Variants in CDK14 observed in about 807,000 individuals in gnomAD.
CDK14 encodes cyclin dependent kinase 14.
Under a neutral mutation model 60.7 loss-of-function variants are expected in CDK14, and 34 were observed. The ratio of observed to expected loss-of-function variants is 0.56; its 90% CI spans 0.43 to 0.75. The LOEUF (loss-of-function observed/expected upper bound fraction) is 0.75, where lower values mean the gene tolerates loss of function less well. CDK14 is among the 30% of genes least tolerant of loss of function. The pLI is 0.00. For missense variants in CDK14, 482 were observed against 564.1 expected (o/e 0.85, Z 1.47); for synonymous variants, 197 against 203.7 (o/e 0.97, Z 0.28).
chr7:90,688,984 C>G (rs1801500158), intron 2 of CDK14, among the ~76,000 whole-genome samples: 1 of 152,080 alleles, frequency 6.6e-6, no homozygotes, highest in Non-Finnish European at 1.5e-5. Context: ...GGTTAGTAAA[C>G]CAGAAAGAAC....
At chr7:90,889,653 G>A (rs1250684633) in intron 6 of CDK14, among the ~76,000 whole-genome samples, 1 of 152,178 alleles carries the variant, frequency 6.6e-6, no homozygotes, top group Non-Finnish European at 1.5e-5. Context: ...TACTGTGTAC[G>A]ATAACTACTT....
At chr7:90,654,723 A>G (rs968644122) in intron 2 of CDK14, among the ~76,000 whole-genome samples, 2 of 152,198 alleles carry the variant, frequency 1.3e-5, no homozygotes, top group South Asian at 4.1e-4. Flanking sequence ...CAGAAAGTAC[A>G]GAGTTCCCAT....
chr7:91,145,142 A>G (rs932665597), intron 14 of CDK14, among the ~76,000 whole-genome samples: 10 of 152,234 alleles, frequency 6.6e-5, no homozygotes, highest in African/African-American at 2.4e-4. Flanking sequence ...CACTAACTGG[A>G]TACGACAGAG....
At chr7:90,597,797 C>T (rs1380249836) in intron 1 of CDK14, among the ~76,000 whole-genome samples, 1 of 149,776 alleles carries the variant, frequency 6.7e-6, no homozygotes, top group East Asian at 2.0e-4. Flanking sequence ...AAACTTTCTT[C>T]AAGTGAGAGA....
intron 14 of CDK14, among the ~76,000 whole-genome samples, chr7:91,193,196 G>C (rs1022640067): frequency 2.0e-5 from 3 of 152,130 alleles, no homozygotes; most frequent in Non-Finnish European, 2.9e-5. Flanking sequence ...GCTGCTTTAT[G>C]CTTCAGCATT....
intron 3 of CDK14, among the ~76,000 whole-genome samples, chr7:90,737,950 C>G (rs916740175): frequency 1.3e-5 from 2 of 152,138 alleles, no homozygotes; most frequent in Non-Finnish European, 2.9e-5. Flanking sequence ...TATGGACATT[C>G]TTACTGGATA....
chr7:91,016,272 T>A (rs1293984086), intron 10 of CDK14, among the ~76,000 whole-genome samples: 2 of 151,798 alleles, frequency 1.3e-5, no homozygotes, highest in East Asian at 3.9e-4. Context: ...TACTCTAACA[T>A]GTTTGTTTCT....
chr7:90,854,173 A>AT (rs1790743865), intron 5 of CDK14, among the ~76,000 whole-genome samples: 1 of 152,356 alleles, frequency 6.6e-6, no homozygotes, highest in African/African-American at 2.4e-5. Flanking sequence ...GCATACAACA[A>AT]TAGCTATTCA....
In CDK14 at chr7:90,744,813, G is replaced by T. The variant is rs1364055668; in HGVS notation, c.370-2868G>T. 7.0e-5 allele frequency among the ~76,000 whole-genome samples: 7 copies of T among 100,060 alleles called. 2 individuals are homozygous for T. Among genetic ancestry groups the T allele is most frequent in the Non-Finnish European group, 1.1e-4 (5 of 44,698 alleles). 65.6% of individuals were successfully genotyped at this position (100,060 alleles called of 152,430 possible). On this transcript the variant is annotated intron_variant, in intron 3 of 14. Coordinates refer to ENST00000380050, the MANE Select transcript of CDK14 (RefSeq NM_001287135.2). ...CGGACGGGGCGGCTGGCCGGGCGGG[G>T]GGCTGACGCCCCCACCTCCCTCCCG...
chr7:90,604,196 C>T, intron 1 of CDK14, 22 bp from the exon 2 acceptor site: 3 of 1,493,636 alleles, frequency 2.0e-6, no homozygotes, highest in Non-Finnish European at 2.7e-6. Context: ...ATAACTGTTT[C>T]CTTTTCCTTC....
At chr7:90,875,589 C>T (rs1253867494) in intron 6 of CDK14, among the ~76,000 whole-genome samples, 3 of 151,822 alleles carry the variant, frequency 2.0e-5, no homozygotes, top group Non-Finnish European at 4.4e-5. Flanking sequence ...CTTGTGTTTT[C>T]CTGACTTATG....
chr7:91,111,225 A>G (rs1432707197), intron 12 of CDK14, among the ~76,000 whole-genome samples: 1 of 152,168 alleles, frequency 6.6e-6, no homozygotes, highest in East Asian at 1.9e-4. Flanking sequence ...TTCTCTACCC[A>G]AATCCATTAC....
At chr7:90,796,155 A>G (rs959914446) in intron 5 of CDK14, among the ~76,000 whole-genome samples, 1 of 152,134 alleles carries the variant, frequency 6.6e-6, no homozygotes, top group Non-Finnish European at 1.5e-5. Context: ...GTTGTGTTGT[A>G]GAATGCAGGG....
At chr7:90,654,036 A>G (rs1800703347) in intron 2 of CDK14, among the ~76,000 whole-genome samples, 1 of 152,158 alleles carries the variant, frequency 6.6e-6, no homozygotes, top group African/African-American at 2.4e-5. Flanking sequence ...TATGGTGTGT[A>G]TGTGCCACAT....
chr7:91,007,067 A>G (rs1795999911), intron 10 of CDK14, among the ~76,000 whole-genome samples: 1 of 152,176 alleles, frequency 6.6e-6, no homozygotes, highest in African/African-American at 2.4e-5. Context: ...CTAGAGGAGG[A>G]TTGCTGGGTG....
chr7:91,084,138 A>G (rs1798561474), intron 12 of CDK14, among the ~76,000 whole-genome samples: 2 of 152,380 alleles, frequency 1.3e-5, no homozygotes, highest in East Asian at 1.9e-4. Flanking sequence ...ATTGAAAATA[A>G]CAACTAGGAA....
chr7:91,045,599 T>A (rs1399235130), intron 10 of CDK14, among the ~76,000 whole-genome samples: 1 of 152,198 alleles, frequency 6.6e-6, no homozygotes, highest in Non-Finnish European at 1.5e-5. Context: ...TTCAGCAGCA[T>A]GAAGATGACA....
chr7:90,711,882 A>AC lies in CDK14; in HGVS notation c.124-14685_124-14684insC, dbSNP rs1408956904. ...GTTCTTATGGAACTTATAGTCTACT[A>AC]TGTTTTTTTTTTTTTTTTTCAATTG... On this transcript the variant is annotated intron_variant, in intron 2 of 14. Coordinates refer to ENST00000380050, the MANE Select transcript of CDK14 (RefSeq NM_001287135.2). 2.9e-3 allele frequency among the ~76,000 whole-genome samples: 321 copies of AC among 110,826 alleles called. 6 individuals carry two copies. The highest frequency in any genetic ancestry group is 0.015 in the Admixed American group (146 of 9,530). 72.7% of individuals were successfully genotyped at this position (110,826 alleles called of 152,430 possible).
intron 10 of CDK14, among the ~76,000 whole-genome samples, chr7:91,023,442 C>A (rs1197098199): frequency 6.6e-6 from 1 of 152,126 alleles, no homozygotes; most frequent in Non-Finnish European, 1.5e-5. Context: ...CTTCTCAATA[C>A]TCTTAATGGG....
Sources: gnomAD v4.1 joint callset for allele counts (sites outside exome capture counted in the v4.1 genomes callset) on GRCh38, gnomAD v4.1.1 for gene constraint, MANE v1.5 for transcripts, NCBI Gene and HGNC (gene_info 2026-07-23, HGNC 2026-07-21) for gene names.